The following CLEC2L variants were observed in gnomAD, a reference collection of about 807,000 sequenced individuals.
The protein encoded by CLEC2L is C-type lectin domain family 2, member L.
A neutral mutation model predicts 23.6 loss-of-function variants in CLEC2L; 14 were observed. The ratio of observed to expected loss-of-function variants is 0.59; its 90% CI spans 0.39 to 0.93. The LOEUF is 0.93. Ranked by LOEUF, CLEC2L falls within the 40% of genes least tolerant of loss-of-function variation. The pLI is 0.00. For synonymous variants in CLEC2L, 114 were observed against 121.3 expected (o/e 0.94, Z 0.40); for missense variants, 264 against 282.4 (o/e 0.93, Z 0.47).
intron 1 of CLEC2L, among the ~76,000 whole-genome samples, chr7:139,532,346 A>G (rs549035500): frequency 6.6e-6 from 1 of 152,290 alleles, no homozygotes; most frequent in Admixed American, 6.5e-5. Flanking sequence ...CCATTGGATG[A>G]TGTGCTTCAC....
rs1438563193 is a variant in CLEC2L, at chr7:139,539,059, G to C, written c.266-1262G>C. 2 of 152,264 alleles carry C rather than the reference G, an allele frequency of 1.3e-5. No homozygotes were observed. Among genetic ancestry groups the C allele is most frequent in the African/African-American group, 4.8e-5 (2 of 41,456 alleles). The allele number at this position is 152,264 out of a possible 1,614,324, so 9.4% of individuals were successfully genotyped here. ...GGTGTCGATGAATGAATTGGTGTCTGTGTGGCTGGAGATCCCCAGGGGCTT... is the reference window on the plus strand; with the variant it reads ...GGTGTCGATGAATGAATTGGTGTCTCTGTGGCTGGAGATCCCCAGGGGCTT... On this transcript the variant is annotated intron_variant, in intron 2 of 4. Coordinates refer to ENST00000422142, the MANE Select transcript of CLEC2L (RefSeq NM_001080511.4). This position sits in a 1 kb window ranked among gnomAD's most constrained non-coding sequence, Gnocchi z 4.1.
rs1012217284 is a variant in CLEC2L at position 139,540,070 on chromosome 7, G to A, written c.266-251G>A. The A allele has an allele frequency of 4.1e-6, 2 of 485,740 alleles. No homozygotes were observed. The highest frequency in any genetic ancestry group is 3.3e-5 in the Admixed American group (1 of 30,044). The allele number at this position is 485,740 out of a possible 1,614,324, so 30.1% of individuals were successfully genotyped here. ...CCATGCCTCTGGGAGTTTGGAGACA[G>A]AGGAGATCCTAACCCAGGGGCTGCC... On this transcript the variant is annotated intron_variant, in intron 2 of 4. Transcript: ENST00000422142. The surrounding 1 kb of genome is among the most constrained non-coding windows in gnomAD (Gnocchi z 5.8).
chr7:139,527,242 C>T (rs1194309942), intron 1 of CLEC2L, among the ~76,000 whole-genome samples: 1 of 152,156 alleles, frequency 6.6e-6, no homozygotes, highest in Non-Finnish European at 1.5e-5. Flanking sequence ...GTTGCTATCA[C>T]ATGAAAGCCC....
chr7:139,540,030 TGA>T lies in CLEC2L; in HGVS notation c.266-289_266-288del, dbSNP rs1311996562. 7.6e-6 allele frequency: 3 copies of T among 395,332 alleles called. No homozygotes were observed. The highest frequency in any genetic ancestry group is 2.0e-5 in the African/African-American group (1 of 49,058). The allele number at this position is 395,332 out of a possible 1,614,324, so 24.5% of individuals were successfully genotyped here. On this transcript the variant is annotated intron_variant, in intron 2 of 4. Transcript: ENST00000422142. The surrounding 1 kb of genome is among the most constrained non-coding windows in gnomAD (Gnocchi z 5.8). ...ATAGCCGCCAGACCTCTTCCCAGTC[TGA>T]GTTTCTGGCGTTCCATGCCTCTGGG...
intron 1 of CLEC2L, among the ~76,000 whole-genome samples, chr7:139,534,864 G>A (rs759403401): frequency 3.3e-5 from 5 of 150,764 alleles, no homozygotes; most frequent in Non-Finnish European, 7.4e-5. Context: ...AACGTTCACT[G>A]TAGTAACCCT....
At chr7:139,527,884 T>C (rs1406739643) in intron 1 of CLEC2L, among the ~76,000 whole-genome samples, 2 of 152,326 alleles carry the variant, frequency 1.3e-5, no homozygotes, top group African/African-American at 4.8e-5. Flanking sequence ...TGGTAGTTTT[T>C]AACAGTCAAG....
chr7:139,537,639 A>G (rs2116320620), intron 2 of CLEC2L, among the ~76,000 whole-genome samples: 1 of 152,320 alleles, frequency 6.6e-6, no homozygotes, highest in East Asian at 1.9e-4. Flanking sequence ...GATGGGGAGT[A>G]GGGCAGCACC....
chr7:139,533,386 C>T (rs1797606887), intron 1 of CLEC2L, among the ~76,000 whole-genome samples: 1 of 152,158 alleles, frequency 6.6e-6, no homozygotes, highest in Non-Finnish European at 1.5e-5. Flanking sequence ...GACAGAGTCT[C>T]GCTTTGTCGC....
Position 139,540,854 on chromosome 7 carries a change from G to A in CLEC2L, c.432+367G>A, listed in dbSNP as rs1383365592. On this transcript the variant is annotated intron_variant, in intron 3 of 4. Coordinates refer to ENST00000422142, the MANE Select transcript of CLEC2L (RefSeq NM_001080511.4). This position sits in a 1 kb window ranked among gnomAD's most constrained non-coding sequence, Gnocchi z 5.8. ...GGATCACTTGAGCCCAGGAGTTGGG[G>A]GCTAGTCTGGGCAACATAGTGAGAC... 6.6e-6 allele frequency among the ~76,000 whole-genome samples: 1 copy of A among 151,922 alleles called. No individual in the cohort carries two copies. The highest frequency in any genetic ancestry group is 1.5e-5 in the Non-Finnish European group (1 of 67,980).
intron 2 of CLEC2L, among the ~76,000 whole-genome samples, chr7:139,537,341 G>C (rs1187728031): frequency 6.6e-6 from 1 of 152,166 alleles, no homozygotes; most frequent in East Asian, 1.9e-4. Flanking sequence ...TAATATTTAT[G>C]TTCATGGGAG....
rs772837504 is a variant in CLEC2L, at chr7:139,544,378, CTGTGGGAGG to C, written c.*40_*48del. 6.9e-7 allele frequency: 1 copy of C among 1,446,532 alleles called. No individual in the cohort carries two copies. The highest frequency in any genetic ancestry group is 1.2e-5 in the South Asian group (1 of 84,226). The allele number at this position is 1,446,532 out of a possible 1,614,324, so 89.6% of individuals were successfully genotyped here. On this transcript the variant is annotated 3_prime_UTR_variant, in exon 5 of 5. Transcript: ENST00000422142. ...GCCAGAGGTGGCCCCGCCCCTAGGC[CTGTGGGAGG>C]TGTCTGGTGTCTGCTCAAGACCTGC...
intron 1 of CLEC2L, among the ~76,000 whole-genome samples, chr7:139,528,193 C>T (rs749067562): frequency 1.3e-5 from 2 of 152,148 alleles, no homozygotes; most frequent in Non-Finnish European, 2.9e-5. Flanking sequence ...CCTCTGGTAC[C>T]TCTGAATGTG....
rs139368807 is a variant in CLEC2L at position 139,541,648 on chromosome 7, C to T, written c.433-373C>T. Among the ~76,000 whole-genome samples the T allele has an allele frequency of 9.2e-5, 14 of 152,300 alleles. No individual in the cohort carries two copies. In the East Asian group the frequency reaches 2.7e-3, roughly 29 times the overall value. ...ACCAACCTGAGCATTGAGATTTGTC[C>T]CAGATCATCCAACCAGTGGGCAATC... On this transcript the variant is annotated intron_variant, in intron 3 of 4. Coordinates refer to ENST00000422142, the MANE Select transcript of CLEC2L (RefSeq NM_001080511.4).
intron 1 of CLEC2L, among the ~76,000 whole-genome samples, chr7:139,527,752 ACCGATT>A: frequency 6.6e-6 from 1 of 152,182 alleles, no homozygotes; most frequent in African/African-American, 2.4e-5. Flanking sequence ...TTTAGTGCTC[ACCGATT>A]CTGAATTTTT....
chr7:139,542,708 C>T (rs969278903), intron 4 of CLEC2L, among the ~76,000 whole-genome samples: 4 of 152,122 alleles, frequency 2.6e-5, no homozygotes, highest in Non-Finnish European at 5.9e-5. Flanking sequence ...GAGGTGGTGG[C>T]GTGTGCCGTG....
intron 1 of CLEC2L, among the ~76,000 whole-genome samples, chr7:139,535,480 C>T (rs1168970384): frequency 3.3e-5 from 5 of 152,078 alleles, no homozygotes; most frequent in African/African-American, 9.7e-5. Context: ...GTACTTAATG[C>T]CACTAACCGT....
intron 1 of CLEC2L, 88 bp from the exon 2 acceptor site, chr7:139,536,186 C>A (rs1016947784): frequency 1.0e-6 from 1 of 993,646 alleles, no homozygotes; most frequent in East Asian, 2.7e-5. Context: ...CTACCTCCCC[C>A]TGTTTCTCAT....
chr7:139,530,209 C>A (rs1045391364), intron 1 of CLEC2L, among the ~76,000 whole-genome samples: 15 of 151,534 alleles, frequency 9.9e-5, no homozygotes, highest in African/African-American at 3.6e-4. Flanking sequence ...CCAAACCAAA[C>A]CAAACAGCAA....
rs1485142633 is a variant in CLEC2L at position 139,523,965 on chromosome 7, C to A, written c.38C>A (p.Pro13Gln). The change falls in exon 1 of 5, where the codon CCG (proline) becomes CAG (glutamine). Residue 13 changes from proline to glutamine, a missense_variant. Coordinates refer to ENST00000422142, the MANE Select transcript of CLEC2L (RefSeq NM_001080511.4). This position sits in a 1 kb window ranked among gnomAD's most constrained non-coding sequence, Gnocchi z 4.1. ...PAREPPSRAR[P>Q]PPPLAARPAP... ...CGGGAGCCCCCCTCGCGGGCCCGGC[C>A]GCCGCCGCCCCTCGCCGCGCGCCCC... is the stretch of plus-strand genomic sequence containing the variant. The A allele has an allele frequency of 4.1e-6, 4 of 967,932 alleles. No individual in the cohort carries two copies. The African/African-American group carries it at 5.3e-5, about 13-fold the overall frequency. 60.0% of individuals were successfully genotyped at this position (967,932 alleles called of 1,614,324 possible).
Sources: gnomAD v4.1 joint callset for allele counts (sites outside exome capture counted in the v4.1 genomes callset) on GRCh38, gnomAD v4.1.1 for gene constraint, Gnocchi (gnomAD v3.1) non-coding constraint, MANE v1.5 for transcripts, NCBI Gene and HGNC (gene_info 2026-07-23, HGNC 2026-07-21) for gene names.